RSRP1: variants seen among roughly 807,000 people sequenced by gnomAD.
RSRP1 encodes the protein arginine and serine rich protein 1.
A neutral mutation model predicts 33.0 loss-of-function variants in RSRP1; 37 were observed. The observed-to-expected ratio is 1.12, with a 90% CI of 0.86 to 1.48. The LOEUF is 1.48. Ranked by LOEUF, RSRP1 falls within the 40% of genes most tolerant of loss-of-function variation. The probability of loss-of-function intolerance (pLI) is 0.00; values close to 1 mark genes in which losing one functional copy is unlikely to be tolerated. For synonymous variants in RSRP1, 167 were observed against 158.7 expected (o/e 1.05, Z -0.40); for missense variants, 402 against 385.3 (o/e 1.04, Z -0.36).
intron 1 of RSRP1, among the ~76,000 whole-genome samples, chr1:25,306,115 C>G (rs1258490712): frequency 7.6e-6 from 1 of 131,382 alleles, no homozygotes; most frequent in Non-Finnish European, 1.8e-5. Flanking sequence ...TGGGCTAGAC[C>G]AGTGGGTCTT....
At chr1:25,312,941 A>C (rs1174196070) in intron 1 of RSRP1, among the ~76,000 whole-genome samples, 2 of 109,426 alleles carry the variant, frequency 1.8e-5, no homozygotes, top group African/African-American at 5.7e-5. Flanking sequence ...AAAAAAAAAA[A>C]AAAAAAAAAA....
Position 25,246,736 on chromosome 1 carries a change from G to A in RSRP1, c.228C>T (p.Arg76=), listed in dbSNP as rs771442161. Residue 76 remains arginine, a synonymous_variant, in exon 2 of 5, where the codon CGC becomes CGT. Coordinates refer to ENST00000243189, the MANE Select transcript of RSRP1 (RefSeq NM_020317.5). The part of the protein sequence containing the change: ...SRRRHQRKYR[R]YSRSYSRSRS... ...GGCTCCGCGAGTATGACCGCGAGTA[G>A]CGCCTGTACTTCCGCTGGTGGCGCC... The A allele has an allele frequency of 1.2e-6, 2 of 1,607,614 alleles. No homozygotes were observed. The highest frequency in any genetic ancestry group is 2.7e-5 in the African/African-American group (2 of 74,846).
intron 1 of RSRP1, among the ~76,000 whole-genome samples, chr1:25,285,574 A>C (rs1641906924): frequency 7.4e-6 from 1 of 134,980 alleles, no homozygotes; most frequent in South Asian, 2.2e-4. Context: ...CATCACAACT[A>C]ATGTATGGTG....
In RSRP1 at chr1:25,301,499, A is replaced by G. The variant is rs776046191; in HGVS notation, c.-67+36479T>C. 1.1e-4 allele frequency: 156 copies of G among 1,376,014 alleles called. 52 individuals are homozygous for G. Among genetic ancestry groups the G allele is most frequent in the Non-Finnish European group, 2.6e-5 (25 of 977,494 alleles). 85.2% of individuals were successfully genotyped at this position (1,376,014 alleles called of 1,614,324 possible). ...TGGAGCAGGAGTGTGATTCTGGCCA[A>G]CCACCCTCTCTGGCCCCCAGGCGCC... On this transcript the variant is annotated intron_variant, in intron 1 of 1. Coordinates refer to the RSRP1 transcript ENST00000561867.
In RSRP1 at chr1:25,307,697, A is replaced by G. The variant is rs934788430; in HGVS notation, c.-67+30281T>C. Reference sequence around the variant, plus strand: ...AAAATGGCTGAAGCAGGTGATGAGGAGCTGATGCGTTTGGACGTGTCTCAG... The same window carrying G: ...AAAATGGCTGAAGCAGGTGATGAGGGGCTGATGCGTTTGGACGTGTCTCAG... On this transcript the variant is annotated intron_variant, in intron 1 of 1. Coordinates refer to the RSRP1 transcript ENST00000561867. 1.9e-5 allele frequency: 25 copies of G among 1,307,558 alleles called. 4 individuals are homozygous for G. In the Admixed American group the frequency reaches 5.3e-4, roughly 28 times the overall value. The allele number at this position is 1,307,558 out of a possible 1,614,324, so 81.0% of individuals were successfully genotyped here.
rs187867841 is a variant in RSRP1, at chr1:25,274,156, T to C, written c.-66-27127A>G. Among the ~76,000 whole-genome samples, 133 of 132,580 alleles carry C rather than the reference T, an allele frequency of 1.0e-3. 18 individuals are homozygous for C. The highest frequency in any genetic ancestry group is 3.3e-3 in the African/African-American group (127 of 38,930). The allele number at this position is 132,580 out of a possible 152,430, so 87.0% of individuals were successfully genotyped here. On this transcript the variant is annotated intron_variant, in intron 1 of 1. Transcript: ENST00000561867. ...GTACCAGGCACTATTCTACATGCTT[T>C]ACATTGAACCCTCACAATAACCCAA... is the stretch of plus-strand genomic sequence containing the variant.
chr1:25,332,367 C>CA (rs930754221), intron 1 of RSRP1, among the ~76,000 whole-genome samples: 1 of 131,822 alleles, frequency 7.6e-6, no homozygotes, highest in African/African-American at 2.6e-5. Flanking sequence ...CCCACATTGC[C>CA]AATTCCATTT....
At chr1:25,297,901 C>G (rs1450669275) in intron 1 of RSRP1, among the ~76,000 whole-genome samples, 2 of 131,638 alleles carry the variant, frequency 1.5e-5, no homozygotes, top group Non-Finnish European at 3.6e-5. Context: ...CAGGAGGGCA[C>G]TAGAACTGGC....
chr1:25,263,647 C>T (rs1258537603), intron 1 of RSRP1, among the ~76,000 whole-genome samples: 1 of 151,626 alleles, frequency 6.6e-6, no homozygotes, highest in East Asian at 1.9e-4. Flanking sequence ...CACAACCAAA[C>T]CCTATCATTC....
intron 1 of RSRP1, among the ~76,000 whole-genome samples, chr1:25,315,636 A>G (rs28681312): frequency 2.4e-5 from 3 of 126,034 alleles, no homozygotes; most frequent in East Asian, 4.0e-4. Flanking sequence ...AGCTGGGACT[A>G]CAGGCGCCTG....
At chr1:25,259,700 C>T (rs1433840730) in intron 1 of RSRP1, among the ~76,000 whole-genome samples, 1 of 151,812 alleles carries the variant, frequency 6.6e-6, no homozygotes, top group Admixed American at 6.6e-5. Flanking sequence ...AGGGTTTCAC[C>T]ATGTTGGCTA....
At position 25,274,351 on chromosome 1, in the gene RSRP1, T is replaced by C. The variant is rs550471237; in HGVS notation, c.-66-27322A>G. 5.3e-4 allele frequency among the ~76,000 whole-genome samples: 71 copies of C among 132,864 alleles called. 13 individuals carry two copies. Among genetic ancestry groups the C allele is most frequent in the African/African-American group, 1.7e-3 (65 of 39,080 alleles). The allele number at this position is 132,864 out of a possible 152,430, so 87.2% of individuals were successfully genotyped here. A position where few individuals can be genotyped will look rare whatever the true frequency, so the allele number is the denominator to read the frequency against. On this transcript the variant is annotated intron_variant, in intron 1 of 1. Transcript: ENST00000561867. Reference sequence around the variant, plus strand: ...ACCATTATGCATCATGGCCCCATTTTACAGTGGGCTTGAGTCTTTGTCATA... The same window carrying C: ...ACCATTATGCATCATGGCCCCATTTCACAGTGGGCTTGAGTCTTTGTCATA...
rs190645679 is a variant in RSRP1 at position 25,269,797 on chromosome 1, T to G, written c.-66-22768A>C. Among the ~76,000 whole-genome samples, 3 of 131,656 alleles carry G rather than the reference T, an allele frequency of 2.3e-5. 1 individual carries two copies. The highest frequency in any genetic ancestry group is 5.4e-5 in the Non-Finnish European group (3 of 55,840). The allele number at this position is 131,656 out of a possible 152,430, so 86.4% of individuals were successfully genotyped here. A position where few individuals can be genotyped will look rare whatever the true frequency, so the allele number is the denominator to read the frequency against. ...TTTTTTAATGAAAGCATTTCTGTTC[T>G]GCGAGGAGCGGGATCCTCTTGTCAA... On this transcript the variant is annotated intron_variant, in intron 1 of 1. Coordinates refer to the RSRP1 transcript ENST00000561867.
chr1:25,250,654 C>T (rs940628979), upstream of RSRP1, among the ~76,000 whole-genome samples: 3 of 152,134 alleles, frequency 2.0e-5, no homozygotes, highest in African/African-American at 7.2e-5. Flanking sequence ...TGGGTAGGCC[C>T]AATCTAATCT....
At chr1:25,315,380 C>T (rs1325671881) in intron 1 of RSRP1, among the ~76,000 whole-genome samples, 1 of 129,956 alleles carries the variant, frequency 7.7e-6, no homozygotes, top group Non-Finnish European at 1.8e-5. Context: ...GCTTGCCACA[C>T]GGAAGGGGGG....
At position 25,299,506 on chromosome 1, in the gene RSRP1, C is replaced by T. The variant is rs1446049331; in HGVS notation, c.-67+38472G>A. 1.5e-5 allele frequency among the ~76,000 whole-genome samples: 2 copies of T among 131,988 alleles called. 1 individual carries two copies. The highest frequency in any genetic ancestry group is 5.2e-5 in the African/African-American group (2 of 38,380). 86.6% of individuals were successfully genotyped at this position (131,988 alleles called of 152,430 possible). ...TTGCACCCAGGGTGGACTACTCCCT[C>T]CACCCTGCCCTTGTTACACCCTGGC... On this transcript the variant is annotated intron_variant, in intron 1 of 1. Coordinates refer to the RSRP1 transcript ENST00000561867.
At chr1:25,310,791 G>A (rs1335202493) in intron 1 of RSRP1, among the ~76,000 whole-genome samples, 1 of 131,998 alleles carries the variant, frequency 7.6e-6, no homozygotes, top group African/African-American at 2.6e-5. Context: ...AGCTAACATG[G>A]TGAAACGCTG....
chr1:25,250,389 C>T (rs1245455652), upstream of RSRP1, among the ~76,000 whole-genome samples: 5 of 152,152 alleles, frequency 3.3e-5, no homozygotes, highest in Non-Finnish European at 1.5e-5. Context: ...AAAATGGAGT[C>T]TGTCCGGCTC....
At position 25,300,964 on chromosome 1, in the gene RSRP1, A is replaced by C. The variant is rs17421137; in HGVS notation, c.-67+37014T>G. On this transcript the variant is annotated intron_variant, in intron 1 of 1. Transcript: ENST00000561867. ...ATTGCAGACAGACTACCACATGAACATGATGCACATCTACGTGTTCGCAGC... is the reference window on the plus strand; with the variant it reads ...ATTGCAGACAGACTACCACATGAACCTGATGCACATCTACGTGTTCGCAGC... 3.9e-5 allele frequency: 54 copies of C among 1,373,288 alleles called. 16 individuals carry two copies. The highest frequency in any genetic ancestry group is 4.8e-5 in the Non-Finnish European group (47 of 978,546). The allele number at this position is 1,373,288 out of a possible 1,614,324, so 85.1% of individuals were successfully genotyped here. A position where few individuals can be genotyped will look rare whatever the true frequency, so the allele number is the denominator to read the frequency against.
Sources: allele counts gnomAD v4.1 joint callset (sites outside exome capture counted in the v4.1 genomes callset), GRCh38; gene constraint gnomAD v4.1.1; transcripts MANE v1.5; gene names NCBI Gene and HGNC (gene_info 2026-07-23, HGNC 2026-07-21).